CDKN2B-AS1: variants seen among roughly 807,000 people sequenced by gnomAD.
CDKN2B-AS1 encodes the protein CDKN2B antisense RNA 1 (non-protein coding).
intron 4 of CDKN2B-AS1, among the ~76,000 whole-genome samples, chr9:22,065,982 C>T (rs73446319): frequency 0.013 from 1,904 of 152,268 alleles, 39 homozygotes; most frequent in African/African-American, 0.044. Flanking sequence ...TCCCTGGACA[C>T]GGAAGTTCTT....
chr9:22,107,265 G>A (rs1479390534), intron 4 of CDKN2B-AS1, among the ~76,000 whole-genome samples: 1 of 152,214 alleles, frequency 6.6e-6, no homozygotes, highest in Non-Finnish European at 1.5e-5. Context: ...TGGGCGTGGA[G>A]AGAAAGAGAG....
At chr9:22,041,953 C>A (rs1822913953) in intron 1 of CDKN2B-AS1, among the ~76,000 whole-genome samples, 1 of 151,980 alleles carries the variant, frequency 6.6e-6, no homozygotes, top group African/African-American at 2.4e-5. Flanking sequence ...ATAATTAGAT[C>A]TAGCTTACCA....
chr9:22,093,796 T>C (rs1409598140), intron 4 of CDKN2B-AS1, among the ~76,000 whole-genome samples: 2 of 144,494 alleles, frequency 1.4e-5, no homozygotes, highest in Non-Finnish European at 2.9e-5. Flanking sequence ...TGTCTTTTAA[T>C]TGGAGCATTT....
rs529266727 is a variant in CDKN2B-AS1 at position 22,067,904 on chromosome 9, A to G, written n.438+11517A>G. On this transcript the variant is annotated intron_variant and non_coding_transcript_variant, in intron 4 of 4. Transcript: ENST00000650946. ...CTTTCCAAATTTGCCTTTTCTCTTA[A>G]GATTGTCTTTCTCTCATTCTCTTCT... Among the ~76,000 whole-genome samples the G allele has an allele frequency of 4.6e-5, 7 of 152,318 alleles. No homozygotes were observed. In the East Asian group the frequency reaches 1.2e-3, roughly 25 times the overall value.
chr9:22,065,293 G>A (rs943420326), intron 4 of CDKN2B-AS1, among the ~76,000 whole-genome samples: 8 of 152,146 alleles, frequency 5.3e-5, no homozygotes, highest in African/African-American at 1.7e-4. Flanking sequence ...TTTAGCTCCT[G>A]GCTCATTTGT....
chr9:22,012,982 T>C (rs1337747418), intron 1 of CDKN2B-AS1, among the ~76,000 whole-genome samples: 1 of 152,188 alleles, frequency 6.6e-6, no homozygotes, highest in Non-Finnish European at 1.5e-5. Flanking sequence ...ACAGACTGAG[T>C]AGCTTAAACA....
intron 4 of CDKN2B-AS1, among the ~76,000 whole-genome samples, chr9:22,067,039 G>T (rs775232192): frequency 2.6e-5 from 4 of 152,082 alleles, no homozygotes; most frequent in Non-Finnish European, 5.9e-5. Context: ...ACAGGGTGGG[G>T]AACATCACAC....
intron 4 of CDKN2B-AS1, among the ~76,000 whole-genome samples, chr9:22,102,488 T>C (rs1238819069): frequency 2.0e-5 from 3 of 152,206 alleles, no homozygotes; most frequent in Non-Finnish European, 2.9e-5. Flanking sequence ...CCTCTGCTGG[T>C]AGGGCCATGC....
chr9:22,085,494 G>T (rs1014063495), intron 4 of CDKN2B-AS1, among the ~76,000 whole-genome samples: 4 of 152,158 alleles, frequency 2.6e-5, no homozygotes, highest in African/African-American at 9.7e-5. Context: ...GCTGAGGCGG[G>T]CGGATCACGA....
chr9:22,106,088 T>G (rs1276174367), intron 4 of CDKN2B-AS1, among the ~76,000 whole-genome samples: 1 of 151,866 alleles, frequency 6.6e-6, no homozygotes, highest in Admixed American at 6.6e-5. Flanking sequence ...TTTTTGTACT[T>G]TTTTTCTTTT....
chr9:22,111,862 A>G (rs1304015900), intron 4 of CDKN2B-AS1, among the ~76,000 whole-genome samples: 1 of 152,178 alleles, frequency 6.6e-6, no homozygotes, highest in Non-Finnish European at 1.5e-5. Flanking sequence ...TGAACAAACC[A>G]TTTTGGAAGG....
chr9:22,097,256 A>C (rs1313032394), intron 4 of CDKN2B-AS1: 1 of 152,324 alleles, frequency 6.6e-6, no homozygotes, highest in Non-Finnish European at 1.5e-5. Context: ...TTCCCTACCC[A>C]GGTGGAGAAC....
At chr9:22,012,507 C>T in intron 1 of CDKN2B-AS1, 1 of 661,536 alleles carries the variant, frequency 1.5e-6, no homozygotes, top group Non-Finnish European at 2.8e-6. Context: ...TGTGGCCACA[C>T]CAACAACCTG....
At chr9:22,076,538 T>G (rs1824499802) in intron 4 of CDKN2B-AS1, among the ~76,000 whole-genome samples, 1 of 152,192 alleles carries the variant, frequency 6.6e-6, no homozygotes, top group Admixed American at 6.5e-5. Flanking sequence ...CACGGTGCTA[T>G]GGGTAAAATG....
chr9:22,010,109 A>T (rs1408765634), intron 1 of CDKN2B-AS1, among the ~76,000 whole-genome samples: 3 of 152,166 alleles, frequency 2.0e-5, no homozygotes, highest in African/African-American at 7.2e-5. Context: ...TTTATTTATC[A>T]TGAGTAATAA....
At chr9:22,056,735 A>G (rs538264943) in intron 4 of CDKN2B-AS1, among the ~76,000 whole-genome samples, 3 of 152,304 alleles carry the variant, frequency 2.0e-5, no homozygotes, top group South Asian at 2.1e-4. Context: ...TCATTTAAAT[A>G]TCTTTAAATA....
chr9:22,102,616 C>G (rs1354980403), intron 4 of CDKN2B-AS1, among the ~76,000 whole-genome samples: 1 of 152,032 alleles, frequency 6.6e-6, no homozygotes, highest in South Asian at 2.1e-4. Flanking sequence ...TTTCGTATGG[C>G]CTTCTACTCT....
chr9:22,111,168 G>T (rs141991179), intron 4 of CDKN2B-AS1, among the ~76,000 whole-genome samples: 1 of 151,908 alleles, frequency 6.6e-6, no homozygotes, highest in Admixed American at 6.6e-5. Context: ...ACTACCTGGC[G>T]TGTATATGTA....
At position 21,996,104 on chromosome 9, in the gene CDKN2B-AS1, G is replaced by C. The variant is rs751616666; in HGVS notation, n.29+943G>C. The C allele has an allele frequency of 1.3e-5, 2 of 152,336 alleles. No individual in the cohort carries two copies. The highest frequency in any genetic ancestry group is 4.8e-5 in the African/African-American group (2 of 41,468). 9.4% of individuals were successfully genotyped at this position (152,336 alleles called of 1,614,324 possible). A position where few individuals can be genotyped will look rare whatever the true frequency, so the allele number is the denominator to read the frequency against. On this transcript the variant is annotated intron_variant and non_coding_transcript_variant, in intron 1 of 4. Coordinates refer to ENST00000650946, the Ensembl canonical transcript of CDKN2B-AS1. The surrounding 1 kb of genome is among the most constrained non-coding windows in gnomAD (Gnocchi z 5.4). ...GTCAAGCCCCCCAGACCTTACAGGGGAGGAAAGTGAGGCCTGCACTGGCCG... is the reference window on the plus strand; with the variant it reads ...GTCAAGCCCCCCAGACCTTACAGGGCAGGAAAGTGAGGCCTGCACTGGCCG...
Sources: allele counts gnomAD v4.1 joint callset (sites outside exome capture counted in the v4.1 genomes callset), GRCh38; gene constraint gnomAD v4.1.1; non-coding constraint Gnocchi (gnomAD v3.1); transcripts MANE v1.5; gene names NCBI Gene and HGNC (gene_info 2026-07-23, HGNC 2026-07-21).